Variants in SVEP1 observed in about 807,000 individuals in gnomAD.
The protein encoded by SVEP1 is sushi, von Willebrand factor type A, EGF and pentraxin domain-containing protein 1.
SVEP1 carries 164 observed loss-of-function variants against 367.3 expected under a neutral mutation model. The observed-to-expected ratio is 0.45, with a 90% CI of 0.39 to 0.51. The LOEUF (loss-of-function observed/expected upper bound fraction) is 0.51, where lower values mean the gene tolerates loss of function less well. Among genes scored for constraint, SVEP1 ranks in the 20% least tolerant of loss-of-function variants. SVEP1 has a pLI of 0.00. For missense variants in SVEP1, 4,117 were observed against 4,425.3 expected, an observed-to-expected ratio of 0.93 and a Z score of 1.98; for synonymous variants, 1,666 against 1,611.6, an observed-to-expected ratio of 1.03 and a Z score of -0.81.
In SVEP1 at chr9:110,579,343, C is replaced by G; in HGVS notation, c.201G>C (p.Ala67=). 1 of 1,554,702 alleles carries G rather than the reference C, an allele frequency of 6.4e-7. No individual in the cohort carries two copies. Among genetic ancestry groups the G allele is most frequent in the Non-Finnish European group, 8.7e-7 (1 of 1,150,464 alleles). The change falls in exon 1 of 48, where the codon GCG becomes GCC. Residue 67 remains alanine, a synonymous_variant. Coordinates refer to ENST00000374469, the MANE Select transcript of SVEP1 (RefSeq NM_153366.4). The surrounding 1 kb of genome is among the most constrained non-coding windows in gnomAD (Gnocchi z 5.3). The part of the protein sequence containing the change: ...AGSRVERLGQ[A]FRRRVRLLRE... ...GCAGCAGCCGCACGCGTCGCCGGAA[C>G]GCCTGGCCCAGCCGCTCCACTCTGC...
intron 27 of SVEP1, 63 bp downstream of exon 27, chr9:110,443,482 G>T (rs1036394794): frequency 2.3e-6 from 3 of 1,306,220 alleles, no homozygotes; most frequent in African/African-American, 3.0e-5. Context: ...CAAACCTGAT[G>T]TCCATTTAAG....
chr9:110,471,734 C>A (rs1829021057), intron 15 of SVEP1, 137 bp from the exon 16 acceptor site: 2 of 678,698 alleles, frequency 2.9e-6, no homozygotes, highest in African/African-American at 3.6e-5. Context: ...AAATAAAAAT[C>A]TTTCAGGAAA....
chr9:110,436,172 A>G (rs1828428160), intron 28 of SVEP1, among the ~76,000 whole-genome samples: 1 of 152,134 alleles, frequency 6.6e-6, no homozygotes, highest in East Asian at 1.9e-4. Flanking sequence ...ATTTAAGAAT[A>G]TCACCAAGAA....
At chr9:110,550,695 C>CT (rs140418349) in intron 1 of SVEP1, among the ~76,000 whole-genome samples, 15,466 of 152,120 alleles carry the variant, frequency 0.1, 975 homozygotes, top group East Asian at 0.31. Flanking sequence ...AATACTTCAT[C>CT]TTTTTGGACC....
chr9:110,446,744 C>T (rs575353364), intron 25 of SVEP1, among the ~76,000 whole-genome samples, 156 bp downstream of exon 25: 3 of 152,166 alleles, frequency 2.0e-5, no homozygotes, highest in African/African-American at 7.2e-5. Flanking sequence ...AGTAGTAGTA[C>T]CTAGTTTGTT....
intron 39 of SVEP1, among the ~76,000 whole-genome samples, chr9:110,402,816 G>T (rs879816421): frequency 2.6e-5 from 4 of 152,050 alleles, no homozygotes; most frequent in Non-Finnish European, 5.9e-5. Flanking sequence ...AAATTTGAAG[G>T]CAAGTTAATA....
chr9:110,550,131 T>A (rs373297866), intron 1 of SVEP1, 27 bp from the exon 2 acceptor site: 1 of 1,613,014 alleles, frequency 6.2e-7, no homozygotes, highest in Non-Finnish European at 8.5e-7. Context: ...AAAGTTAATA[T>A]GAGTGTGTAC....
intron 24 of SVEP1, among the ~76,000 whole-genome samples, chr9:110,449,731 G>A (rs980817763): frequency 2.0e-5 from 3 of 152,068 alleles, no homozygotes; most frequent in African/African-American, 4.8e-5. Context: ...TATGGGCTTT[G>A]TCTAGTACTA....
rs1829460112 is a variant in SVEP1 at position 110,496,995 on chromosome 9, G to A, written c.1682-62C>T. On this transcript the variant is annotated intron_variant, in intron 7 of 47. Coordinates refer to ENST00000374469, the MANE Select transcript of SVEP1 (RefSeq NM_153366.4). ...GATATGTGGTCCTAGATCATTTAAG[G>A]AAGAGGTACAAATCTAGTTATATTA... is the stretch of plus-strand genomic sequence containing the variant. 2.7e-5 allele frequency: 30 copies of A among 1,106,584 alleles called. No individual in the cohort carries two copies. In the South Asian group the frequency reaches 4.4e-4, roughly 16 times the overall value. The allele number at this position is 1,106,584 out of a possible 1,614,324, so 68.5% of individuals were successfully genotyped here. A position where few individuals can be genotyped will look rare whatever the true frequency, so the allele number is the denominator to read the frequency against.
intron 1 of SVEP1, among the ~76,000 whole-genome samples, chr9:110,563,226 T>C (rs923355930): frequency 6.6e-6 from 1 of 152,222 alleles, no homozygotes; most frequent in African/African-American, 2.4e-5. Context: ...GAATCTATTA[T>C]ATGGAAAAAT....
intron 1 of SVEP1, among the ~76,000 whole-genome samples, chr9:110,557,894 T>C (rs187441185): frequency 2.0e-4 from 30 of 152,346 alleles, no homozygotes; most frequent in African/African-American, 6.3e-4. Flanking sequence ...TAGAACTTTC[T>C]ATAATGCTTG....
intron 27 of SVEP1, among the ~76,000 whole-genome samples, chr9:110,442,017 A>T (rs775645141): frequency 6.6e-6 from 1 of 152,086 alleles, no homozygotes; most frequent in Non-Finnish European, 1.5e-5. Context: ...TGCATTTCAG[A>T]TACATCAATC....
chr9:110,404,662 A>G lies in SVEP1; in HGVS notation c.9441-110T>C, dbSNP rs373660103. 24 of 999,040 alleles carry G rather than the reference A, an allele frequency of 2.4e-5. No homozygotes were observed. The African/African-American group carries it at 3.8e-4, about 16-fold the overall frequency. The allele number at this position is 999,040 out of a possible 1,614,324, so 61.9% of individuals were successfully genotyped here. A position where few individuals can be genotyped will look rare whatever the true frequency, so the allele number is the denominator to read the frequency against. On this transcript the variant is annotated intron_variant, in intron 38 of 47. Transcript: ENST00000374469. Reference sequence around the variant, plus strand: ...AGGCTCAGTAGATATTTTGTGCAACATATTGATTGTTGCACAATCAATATG... The same window carrying G: ...AGGCTCAGTAGATATTTTGTGCAACGTATTGATTGTTGCACAATCAATATG...
chr9:110,402,129 G>A (rs2118995560), intron 39 of SVEP1, among the ~76,000 whole-genome samples: 1 of 152,062 alleles, frequency 6.6e-6, no homozygotes, highest in Non-Finnish European at 1.5e-5. Context: ...TTTGCTATAT[G>A]TGAAATTTAT....
chr9:110,546,874 C>T (rs558960124), intron 2 of SVEP1, among the ~76,000 whole-genome samples: 3 of 152,288 alleles, frequency 2.0e-5, no homozygotes, highest in Admixed American at 2.0e-4. Flanking sequence ...CTCAGGCAGA[C>T]CTGTTTAGAA....
intron 3 of SVEP1, among the ~76,000 whole-genome samples, chr9:110,529,293 A>C (rs1489073154): frequency 6.6e-6 from 1 of 152,072 alleles, no homozygotes; most frequent in Admixed American, 6.6e-5. Flanking sequence ...GTATAATTTG[A>C]AGTTGAGTAA....
At position 110,450,123 on chromosome 9, in the gene SVEP1, C is replaced by T. The variant is rs1187886750; in HGVS notation, c.4039G>A (p.Asp1347Asn). ...TTGCATGGCTGACTGAGACACTCAT[C>T]GACGTTCTTTCCACATCGGGTACCC... ...FLGTRCGKNV[D>N]ECLSQPCKNG... The change falls in exon 24 of 48, where the codon GAT becomes AAT. Residue 1347 changes from aspartate (D) to asparagine (N), a missense_variant. Coordinates refer to ENST00000374469, the MANE Select transcript of SVEP1 (RefSeq NM_153366.4). The T allele has an allele frequency of 3.7e-6, 6 of 1,613,782 alleles. No individual in the cohort carries two copies. The highest frequency in any genetic ancestry group is 5.1e-6 in the Non-Finnish European group (6 of 1,179,844).
chr9:110,570,975 T>TAA (rs1830555793), intron 1 of SVEP1, among the ~76,000 whole-genome samples: 1 of 61,482 alleles, frequency 1.6e-5, no homozygotes, highest in African/African-American at 9.3e-5. Flanking sequence ...GGCTCCTTTT[T>TAA]TTTTTTTTTT....
intron 3 of SVEP1, among the ~76,000 whole-genome samples, chr9:110,532,327 G>T (rs1424847008): frequency 6.6e-6 from 1 of 152,148 alleles, no homozygotes; most frequent in East Asian, 1.9e-4. Flanking sequence ...CAAATTTCAG[G>T]TCTAGCTGTG....
Sources: allele counts gnomAD v4.1 joint callset (sites outside exome capture counted in the v4.1 genomes callset), GRCh38; gene constraint gnomAD v4.1.1; non-coding constraint Gnocchi (gnomAD v3.1); transcripts MANE v1.5; gene names NCBI Gene and HGNC (gene_info 2026-07-23, HGNC 2026-07-21).